The following RANBP2 variants were observed in gnomAD, a reference collection of about 807,000 sequenced individuals.
RANBP2 encodes RAN binding protein 2.
In RANBP2, 57 loss-of-function variants were observed where a neutral mutation model predicts 303.6. The observed-to-expected ratio is 0.19, with a 90% CI of 0.15 to 0.23. The LOEUF (loss-of-function observed/expected upper bound fraction) is 0.23, where lower values mean the gene tolerates loss of function less well. RANBP2 is among the 10% of genes least tolerant of loss of function. The probability of loss-of-function intolerance (pLI) is 1.00; values close to 1 mark genes in which losing one functional copy is unlikely to be tolerated. For missense variants in RANBP2, 3,138 were observed against 3,780.8 expected, an observed-to-expected ratio of 0.83 and a Z score of 4.46; for synonymous variants, 1,167 against 1,301.5, an observed-to-expected ratio of 0.90 and a Z score of 2.23.
the RANBP2 span, among the ~76,000 whole-genome samples, chr2:109,519,678 C>T: frequency 7.9e-5 from 12 of 152,164 alleles, no homozygotes; most frequent in Non-Finnish European, 8.8e-5. Flanking sequence ...ATATGTCACT[C>T]GGCTAGTTAG....
the RANBP2 span, among the ~76,000 whole-genome samples, chr2:109,233,206 T>G: frequency 2.0e-5 from 3 of 152,180 alleles, no homozygotes; most frequent in Admixed American, 6.5e-5. Context: ...CTTGTCCTCT[T>G]GGTACCCAGG....
chr2:109,018,414 C>G, the RANBP2 span, among the ~76,000 whole-genome samples: 1 of 152,168 alleles, frequency 6.6e-6, no homozygotes, highest in East Asian at 1.9e-4. Context: ...AATCTACACC[C>G]TACCCTGCAG....
the RANBP2 span, among the ~76,000 whole-genome samples, chr2:109,284,730 C>A: frequency 2.6e-5 from 4 of 152,142 alleles, no homozygotes; most frequent in Non-Finnish European, 4.4e-5. Context: ...TCTGTGCACA[C>A]CTCTGCAGGT....
intron 7 of RANBP2, 143 bp downstream of exon 7, chr2:108,740,824 A>G (rs536648974): frequency 7.2e-7 from 1 of 1,385,866 alleles, no homozygotes; most frequent in East Asian, 2.3e-5. Flanking sequence ...TACAGTGGAA[A>G]ATAACTAAGC....
At chr2:108,950,266 T>C in the RANBP2 span, among the ~76,000 whole-genome samples, 1 of 146,362 alleles carries the variant, frequency 6.8e-6, no homozygotes, top group Non-Finnish European at 1.5e-5. Context: ...ATTCCTTTTC[T>C]TTTTCTTTCT....
the RANBP2 span, among the ~76,000 whole-genome samples, chr2:109,416,301 A>G: frequency 6.6e-6 from 1 of 152,136 alleles, no homozygotes; most frequent in African/African-American, 2.4e-5. Context: ...CATGCTTAGA[A>G]TTACATGTCC....
the RANBP2 span, among the ~76,000 whole-genome samples, chr2:109,539,049 C>T: frequency 2.0e-5 from 3 of 151,936 alleles, no homozygotes; most frequent in Admixed American, 1.3e-4. Context: ...CCTGTATTTC[C>T]AACACTTTGG....
chr2:108,907,756 A>G, the RANBP2 span: 3 of 1,370,192 alleles, frequency 2.2e-6, no homozygotes, highest in Admixed American at 1.7e-5. Flanking sequence ...TCTGGGAGAA[A>G]CACCCCGTCT....
the RANBP2 span, among the ~76,000 whole-genome samples, chr2:109,508,187 C>A: frequency 6.6e-6 from 1 of 152,234 alleles, no homozygotes; most frequent in Admixed American, 6.5e-5. Context: ...ATGGGCCCAG[C>A]CAAAACCCTG....
chr2:109,387,292 G>A, the RANBP2 span, among the ~76,000 whole-genome samples: 55 of 152,218 alleles, frequency 3.6e-4, no homozygotes, highest in African/African-American at 1.3e-3. Context: ...TTTTCTCAGC[G>A]CCAGGGCCGG....
At chr2:109,219,000 G>A in the RANBP2 span, among the ~76,000 whole-genome samples, 15 of 152,292 alleles carry the variant, frequency 9.8e-5, no homozygotes, top group African/African-American at 3.6e-4. Flanking sequence ...TGCCTGTTAT[G>A]GGCACTGACC....
chr2:109,160,479 G>A, the RANBP2 span, among the ~76,000 whole-genome samples: 1 of 152,270 alleles, frequency 6.6e-6, no homozygotes, highest in Non-Finnish European at 1.5e-5. Flanking sequence ...AGAGGACGCA[G>A]CTGAAAGACC....
the RANBP2 span, chr2:108,812,682 G>A: frequency 6.2e-7 from 1 of 1,612,428 alleles, no homozygotes; most frequent in East Asian, 2.2e-5. Context: ...GGCTAAAAGA[G>A]TTCAAGCTCG....
the RANBP2 span, among the ~76,000 whole-genome samples, chr2:109,591,946 G>A: frequency 6.6e-6 from 1 of 152,028 alleles, no homozygotes; most frequent in East Asian, 1.9e-4. Context: ...ACCTATGTTT[G>A]TATTTGTAAT....
At chr2:109,614,091 A>C in the RANBP2 span, 25 of 1,210,566 alleles carry the variant, frequency 2.1e-5, no homozygotes, top group Non-Finnish European at 2.5e-5. Context: ...ACGCCTGAGG[A>C]CTGAGCGTCA....
chr2:109,707,519 C>T, the RANBP2 span, among the ~76,000 whole-genome samples: 31 of 152,276 alleles, frequency 2.0e-4, no homozygotes, highest in African/African-American at 5.8e-4. Flanking sequence ...TATAAAACAC[C>T]ACTACAATTC....
chr2:109,420,064 C>G, the RANBP2 span, among the ~76,000 whole-genome samples: 11 of 152,204 alleles, frequency 7.2e-5, no homozygotes, highest in Non-Finnish European at 1.5e-4. Context: ...TTCTGTGTTT[C>G]AGCCCCCGTC....
chr2:109,309,409 G>A, the RANBP2 span, among the ~76,000 whole-genome samples: 22,868 of 118,572 alleles, frequency 0.19, 3,443 homozygotes, highest in African/African-American at 0.39. Flanking sequence ...GCCAAAATGT[G>A]AAGACCATTG....
the RANBP2 span, among the ~76,000 whole-genome samples, chr2:108,814,784 C>T: frequency 6.6e-6 from 1 of 151,404 alleles, no homozygotes; most frequent in African/African-American, 2.4e-5. Context: ...TACAGGCGCC[C>T]ACCACCACGC....
Sources: allele counts gnomAD v4.1 joint callset (sites outside exome capture counted in the v4.1 genomes callset), GRCh38; gene constraint gnomAD v4.1.1; transcripts MANE v1.5; gene names NCBI Gene and HGNC (gene_info 2026-07-23, HGNC 2026-07-21).